DPYD: variants seen among roughly 807,000 people sequenced by gnomAD.
DPYD encodes dihydropyrimidine dehydrogenase [NADP(+)].
In DPYD, 109 loss-of-function variants were observed where a neutral mutation model predicts 116.2. The ratio of observed to expected loss-of-function variants is 0.94; its 90% confidence interval spans 0.80 to 1.10. The LOEUF (loss-of-function observed/expected upper bound fraction) is 1.10. Ranked by LOEUF, DPYD falls within the 50% of genes least tolerant of loss-of-function variation. The pLI, the probability that DPYD is intolerant of heterozygous loss-of-function variation, is 0.00. For missense variants in DPYD, 1,302 were observed against 1,254.5 expected (o/e 1.04, Z -0.57); for synonymous variants, 440 against 432.0 (o/e 1.02, Z -0.23).
chr1:97,777,528 A>G (rs1460030493), intron 3 of DPYD, among the ~76,000 whole-genome samples: 4 of 152,212 alleles, frequency 2.6e-5, no homozygotes, highest in African/African-American at 9.6e-5. Flanking sequence ...CTGGAACCAC[A>G]GAACTTTTGA....
chr1:97,633,626 A>T (rs991396413), intron 8 of DPYD, among the ~76,000 whole-genome samples: 1 of 152,116 alleles, frequency 6.6e-6, no homozygotes, highest in African/African-American at 2.4e-5. Context: ...AGGTTCTGTC[A>T]AGGGGGCCTG....
intron 16 of DPYD, among the ~76,000 whole-genome samples, chr1:97,324,173 C>A (rs1386598660): frequency 6.6e-6 from 1 of 151,938 alleles, no homozygotes; most frequent in African/African-American, 2.4e-5. Flanking sequence ...ATTTTCTAAG[C>A]CTGCTGTTCC....
intron 17 of DPYD, among the ~76,000 whole-genome samples, chr1:97,305,718 C>T (rs986256922): frequency 3.9e-5 from 6 of 152,034 alleles, no homozygotes; most frequent in East Asian, 1.9e-4. Flanking sequence ...TTTTTGTATT[C>T]AACAGATATT....
At chr1:97,164,301 C>G (rs1467482816) in intron 20 of DPYD, among the ~76,000 whole-genome samples, 1 of 152,130 alleles carries the variant, frequency 6.6e-6, no homozygotes, top group Non-Finnish European at 1.5e-5. Flanking sequence ...CCATATATGA[C>G]AAACCCACAG....
At chr1:97,904,899 T>C (rs947445932) in intron 1 of DPYD, among the ~76,000 whole-genome samples, 6 of 151,986 alleles carry the variant, frequency 3.9e-5, no homozygotes, top group African/African-American at 1.4e-4. Context: ...TCCAAATCAG[T>C]TGCCATGGGT....
At chr1:97,691,838 A>T in intron 6 of DPYD, 40 bp from the exon 7 acceptor site, 1 of 1,538,476 alleles carries the variant, frequency 6.5e-7, no homozygotes, top group Non-Finnish European at 9.0e-7. Flanking sequence ...ATCAGTAGAA[A>T]AATGACCAAT....
chr1:97,164,323 C>T (rs1281410432), intron 20 of DPYD, among the ~76,000 whole-genome samples: 3 of 152,104 alleles, frequency 2.0e-5, no homozygotes, highest in East Asian at 3.9e-4. Context: ...CAATATCATA[C>T]TGAAAGGGCA....
At chr1:97,913,881 A>G (rs192833210) in intron 1 of DPYD, among the ~76,000 whole-genome samples, 3 of 152,126 alleles carry the variant, frequency 2.0e-5, no homozygotes, top group Admixed American at 6.6e-5. Flanking sequence ...GGCTCCATCC[A>G]TGATCGCCTC....
At chr1:97,586,465 CATATATATATATATATATATAT>C (rs57301424) in intron 10 of DPYD, among the ~76,000 whole-genome samples, 677 of 34,330 alleles carry the variant, frequency 0.02, 36 homozygotes, top group African/African-American at 0.048. Context: ...TACATACATA[CATATATATATATATATATATAT>C]ATATATATAT....
chr1:97,643,327 T>C (rs1658047892), intron 8 of DPYD, among the ~76,000 whole-genome samples: 2 of 152,164 alleles, frequency 1.3e-5, no homozygotes, highest in South Asian at 4.2e-4. Flanking sequence ...AACAAGCATA[T>C]GAAAAAAAGC....
intron 1 of DPYD, among the ~76,000 whole-genome samples, chr1:97,916,572 G>T (rs898918763): frequency 1.3e-5 from 2 of 152,096 alleles, no homozygotes; most frequent in Non-Finnish European, 2.9e-5. Context: ...CCAAATTCCA[G>T]CACACTTTAC....
At chr1:97,792,227 C>G (rs1667355251) in intron 3 of DPYD, among the ~76,000 whole-genome samples, 1 of 152,054 alleles carries the variant, frequency 6.6e-6, no homozygotes, top group Admixed American at 6.6e-5. Flanking sequence ...TATGGCCTTG[C>G]CCATCTCCCA....
intron 13 of DPYD, among the ~76,000 whole-genome samples, chr1:97,485,444 C>G (rs1240695922): frequency 2.0e-5 from 3 of 152,162 alleles, no homozygotes; most frequent in Non-Finnish European, 4.4e-5. Flanking sequence ...TCAGGTGATC[C>G]ACCCACCTTA....
At chr1:97,541,361 C>A (rs1342407784) in intron 12 of DPYD, among the ~76,000 whole-genome samples, 1 of 152,166 alleles carries the variant, frequency 6.6e-6, no homozygotes, top group East Asian at 1.9e-4. Context: ...TTAAAAAATA[C>A]TGCTGTCAAA....
At chr1:97,306,417 T>A (rs55776428) in intron 16 of DPYD, 120 bp from the exon 17 acceptor site, 1 of 1,326,070 alleles carries the variant, frequency 7.5e-7, no homozygotes, top group South Asian at 1.2e-5. Flanking sequence ...ATGAGCTACA[T>A]GATATATTTC....
intron 20 of DPYD, among the ~76,000 whole-genome samples, chr1:97,178,458 A>C (rs941793223): frequency 6.6e-6 from 1 of 152,156 alleles, no homozygotes; most frequent in Admixed American, 6.5e-5. Flanking sequence ...ACATGGTGGC[A>C]GGCAAGAGAT....
At chr1:97,674,131 C>T (rs1171481460) in intron 8 of DPYD, among the ~76,000 whole-genome samples, 3 of 152,034 alleles carry the variant, frequency 2.0e-5, no homozygotes. Flanking sequence ...ACAGTGGTGG[C>T]CAAAGAGACT....
At chr1:97,413,599 G>GACTACGGAC (rs1194106585) in intron 14 of DPYD, among the ~76,000 whole-genome samples, 1 of 151,972 alleles carries the variant, frequency 6.6e-6, no homozygotes, top group Non-Finnish European at 1.5e-5. Context: ...AAGTAGCTGG[G>GACTACGGAC]ACTACGGACA....
intron 3 of DPYD, among the ~76,000 whole-genome samples, chr1:97,814,995 A>AAAAGGG (rs1198411130): frequency 3.3e-5 from 5 of 151,038 alleles, no homozygotes; most frequent in Admixed American, 3.3e-4. Context: ...AAAGGAAAGG[A>AAAAGGG]AAAGGGAAAG....
Sources: allele counts gnomAD v4.1 joint callset (sites outside exome capture counted in the v4.1 genomes callset), GRCh38; gene constraint gnomAD v4.1.1; transcripts MANE v1.5; gene names NCBI Gene and HGNC (gene_info 2026-07-23, HGNC 2026-07-21).